The following PLCH1 variants were observed in gnomAD, a reference collection of about 807,000 sequenced individuals.
PLCH1 encodes 1-phosphatidylinositol 4,5-bisphosphate phosphodiesterase eta-1.
Under a neutral mutation model 126.7 loss-of-function variants are expected in PLCH1, and 60 were observed. The observed-to-expected ratio is 0.47, with a 90% CI of 0.38 to 0.59. The LOEUF is 0.59. Ranked by LOEUF, PLCH1 falls within the 20% of genes least tolerant of loss-of-function variation. The pLI is 0.00. For missense variants in PLCH1, 1,723 were observed against 2,040.0 expected (o/e 0.84, Z 2.99); for synonymous variants, 719 against 734.9 (o/e 0.98, Z 0.35).
intron 11 of PLCH1, among the ~76,000 whole-genome samples, chr3:155,518,280 T>G (rs755264894): frequency 6.6e-6 from 1 of 152,342 alleles, no homozygotes; most frequent in African/African-American, 2.4e-5. Flanking sequence ...AGCACTGTCA[T>G]GTAAAGATAC....
chr3:155,544,591 T>C (rs1724917602), intron 10 of PLCH1, among the ~76,000 whole-genome samples: 1 of 152,214 alleles, frequency 6.6e-6, no homozygotes, highest in Admixed American at 6.5e-5. Flanking sequence ...TAAATTTTTT[T>C]CAGCACCACA....
intron 6 of PLCH1, among the ~76,000 whole-genome samples, chr3:155,583,241 A>G (rs1347579230): frequency 1.3e-5 from 2 of 151,894 alleles, no homozygotes; most frequent in Non-Finnish European, 2.9e-5. Flanking sequence ...GCATATCTGT[A>G]CTCAATACAT....
intron 8 of PLCH1, 130 bp from the exon 9 acceptor site, chr3:155,554,326 C>T: frequency 1.3e-6 from 1 of 787,920 alleles, no homozygotes; most frequent in South Asian, 1.9e-5. Context: ...AAAGACGTGA[C>T]ACAGACACAG....
At chr3:155,467,811 G>A (rs890673762) in intron 21 of PLCH1, among the ~76,000 whole-genome samples, 2 of 152,202 alleles carry the variant, frequency 1.3e-5, no homozygotes, top group African/African-American at 4.8e-5. Flanking sequence ...AAAGCTGATG[G>A]ACTTCCTCAA....
chr3:155,501,352 C>T (rs571043237), intron 13 of PLCH1, among the ~76,000 whole-genome samples: 3 of 152,176 alleles, frequency 2.0e-5, no homozygotes, highest in Non-Finnish European at 2.9e-5. Context: ...TTGCTACCCA[C>T]AGAATACAGG....
intron 1 of PLCH1, among the ~76,000 whole-genome samples, chr3:155,731,986 C>CAAAAA (rs11449385): frequency 2.9e-5 from 2 of 68,272 alleles, no homozygotes; most frequent in African/African-American, 1.0e-4. Context: ...GACCCTGTCT[C>CAAAAA]AAAAAAAAAA....
intron 10 of PLCH1, 126 bp downstream of exon 10, chr3:155,549,661 A>G (rs1311675059): frequency 1.5e-6 from 1 of 681,776 alleles, no homozygotes; most frequent in African/African-American, 1.8e-5. Context: ...GCATACATAG[A>G]TCTAGACAAT....
intron 2 of PLCH1, among the ~76,000 whole-genome samples, chr3:155,615,482 T>C (rs1735687426): frequency 6.6e-6 from 1 of 152,114 alleles, no homozygotes; most frequent in Non-Finnish European, 1.5e-5. Flanking sequence ...GACACATGCA[T>C]ACACATGTTT....
chr3:155,484,544 A>G (rs1422760866), intron 22 of PLCH1, among the ~76,000 whole-genome samples: 1 of 152,222 alleles, frequency 6.6e-6, no homozygotes, highest in African/African-American at 2.4e-5. Flanking sequence ...ACCACATTTT[A>G]CTTGTCTGAG....
Position 155,474,827 on chromosome 3 carries a change from A to C in PLCH1, c.2938+10529T>G, listed in dbSNP as rs1311844632. 2.6e-5 allele frequency among the ~76,000 whole-genome samples: 3 copies of C among 116,684 alleles called. No individual in the cohort carries two copies. In the East Asian group the frequency reaches 7.6e-4, roughly 29 times the overall value. The allele number at this position is 116,684 out of a possible 152,430, so 76.5% of individuals were successfully genotyped here. A position where few individuals can be genotyped will look rare whatever the true frequency, so the allele number is the denominator to read the frequency against. On this transcript the variant is annotated intron_variant, in intron 21 of 21. Coordinates refer to the PLCH1 transcript ENST00000494598. The stretch of plus-strand genomic sequence containing the variant: ...TCATTCTCAGTAAACTATCGCAAGA[A>C]CAAAAAACCAAACACCGCATATTCT...
At chr3:155,513,884 TG>T (rs1325746974) in intron 12 of PLCH1, among the ~76,000 whole-genome samples, 2 of 152,130 alleles carry the variant, frequency 1.3e-5, no homozygotes, top group Non-Finnish European at 2.9e-5. Flanking sequence ...ATGATTAGCT[TG>T]GGGGTAGGCA....
chr3:155,590,725 G>A (rs1453709550), intron 4 of PLCH1, among the ~76,000 whole-genome samples: 1 of 152,198 alleles, frequency 6.6e-6, no homozygotes, highest in Non-Finnish European at 1.5e-5. Flanking sequence ...ACTCCAGCCT[G>A]GGTGACAGAG....
intron 6 of PLCH1, among the ~76,000 whole-genome samples, chr3:155,579,866 G>C (rs1730433952): frequency 6.6e-6 from 1 of 151,900 alleles, no homozygotes; most frequent in Admixed American, 6.6e-5. Flanking sequence ...CTGTCTGTCT[G>C]TGTCTGTCTC....
At chr3:155,660,436 CACAAT>C (rs1244748893) in intron 2 of PLCH1, among the ~76,000 whole-genome samples, 1 of 152,204 alleles carries the variant, frequency 6.6e-6, no homozygotes, top group Non-Finnish European at 1.5e-5. Flanking sequence ...GTAGGTCTTA[CACAAT>C]AAAGACTTTT....
intron 1 of PLCH1, chr3:155,743,201 T>C (rs1047422766): frequency 2.2e-6 from 1 of 448,930 alleles, no homozygotes; most frequent in African/African-American, 2.0e-5. Flanking sequence ...AAAGAGGGGA[T>C]AGGGCTGTCA....
chr3:155,622,589 C>CA lies in PLCH1; in HGVS notation c.80-26212dup, dbSNP rs34373302. On this transcript the variant is annotated intron_variant, in intron 2 of 22. Coordinates refer to ENST00000460012, the MANE Select transcript of PLCH1 (RefSeq NM_014996.4). ...GAATATTTTCCAAGCAAATGGAAAGCAAAAAAAAAAAAGCAGGGGTTGCAA... is the reference window on the plus strand; with the variant it reads ...GAATATTTTCCAAGCAAATGGAAAGCAAAAAAAAAAAAAGCAGGGGTTGCAA... 1.8e-3 allele frequency among the ~76,000 whole-genome samples: 254 copies of CA among 140,474 alleles called. 1 individual carries two copies. Among genetic ancestry groups the CA allele is most frequent in the East Asian group, 5.8e-3 (29 of 4,960 alleles). 92.2% of individuals were successfully genotyped at this position (140,474 alleles called of 152,430 possible).
intron 17 of PLCH1, among the ~76,000 whole-genome samples, chr3:155,493,594 C>A (rs1716577469): frequency 6.6e-6 from 1 of 152,182 alleles, no homozygotes; most frequent in African/African-American, 2.4e-5. Context: ...CCATGTTGGC[C>A]AGGCTGGTCT....
intron 1 of PLCH1, among the ~76,000 whole-genome samples, chr3:155,718,650 C>CG (rs893493943): frequency 6.6e-5 from 10 of 151,896 alleles, no homozygotes; most frequent in Non-Finnish European, 1.3e-4. Flanking sequence ...AGGGTGAGTG[C>CG]GGGGGGGAGG....
At chr3:155,570,580 A>T (rs1289078073) in intron 6 of PLCH1, among the ~76,000 whole-genome samples, 1 of 152,340 alleles carries the variant, frequency 6.6e-6, no homozygotes, top group African/African-American at 2.4e-5. Flanking sequence ...GCTTTTACAC[A>T]CACAATCTTA....
Sources: allele counts gnomAD v4.1 joint callset (sites outside exome capture counted in the v4.1 genomes callset), GRCh38; gene constraint gnomAD v4.1.1; transcripts MANE v1.5; gene names NCBI Gene and HGNC (gene_info 2026-07-23, HGNC 2026-07-21).